The following PPP1R12A variants were observed in gnomAD, a reference collection of about 807,000 sequenced individuals.
The protein encoded by PPP1R12A is myosin binding subunit.
PPP1R12A carries 19 observed loss-of-function variants against 139.6 expected under a neutral mutation model. The ratio of observed to expected loss-of-function variants is 0.14; its 90% confidence interval spans 0.09 to 0.20. The LOEUF (loss-of-function observed/expected upper bound fraction) is 0.20, where lower values mean the gene tolerates loss of function less well. PPP1R12A is among the 10% of genes least tolerant of loss of function. The pLI is 1.00. For synonymous variants in PPP1R12A, 427 were observed against 420.6 expected (o/e 1.02, Z -0.19); for missense variants, 925 against 1,211.5 (o/e 0.76, Z 3.51).
At chr12:79,893,221 C>T (rs1340575294) in intron 1 of PPP1R12A, among the ~76,000 whole-genome samples, 1 of 152,094 alleles carries the variant, frequency 6.6e-6, no homozygotes, top group African/African-American at 2.4e-5. Flanking sequence ...CAGATTTCTC[C>T]TCAATTTAGT....
intron 4 of PPP1R12A, 44 bp from the exon 5 acceptor site, chr12:79,828,508 A>C (rs1877054185): frequency 1.4e-6 from 2 of 1,402,366 alleles, no homozygotes; most frequent in Non-Finnish European, 1.9e-6. Context: ...AAATCTAGAA[A>C]TAAATGATCA....
chr12:79,846,097 T>C (rs1026391720), intron 2 of PPP1R12A, among the ~76,000 whole-genome samples: 1 of 152,160 alleles, frequency 6.6e-6, no homozygotes, highest in African/African-American at 2.4e-5. Context: ...CATTAAATTA[T>C]TGCTTATCAT....
intron 2 of PPP1R12A, among the ~76,000 whole-genome samples, chr12:79,870,346 G>A (rs1241733173): frequency 2.0e-5 from 3 of 152,030 alleles, no homozygotes; most frequent in African/African-American, 7.2e-5. Flanking sequence ...GAACTCCTGA[G>A]CTCAAGCAAG....
chr12:79,796,743 T>A (rs751292136), intron 17 of PPP1R12A, 39 bp downstream of exon 17: 12 of 1,498,668 alleles, frequency 8.0e-6, no homozygotes, highest in Admixed American at 1.9e-5. Context: ...AAGGATTATA[T>A]GAAGAAAGCA....
intron 4 of PPP1R12A, among the ~76,000 whole-genome samples, chr12:79,828,872 T>C (rs1007538158): frequency 6.6e-6 from 1 of 152,124 alleles, no homozygotes; most frequent in African/African-American, 2.4e-5. Flanking sequence ...GGTTTCCATA[T>C]AATATATAAT....
intron 1 of PPP1R12A, among the ~76,000 whole-genome samples, chr12:79,921,312 A>G (rs1025410217): frequency 1.3e-5 from 2 of 152,182 alleles, no homozygotes; most frequent in African/African-American, 4.8e-5. Context: ...AGATCATATA[A>G]AAAGAAAGTT....
intron 2 of PPP1R12A, among the ~76,000 whole-genome samples, chr12:79,862,501 C>T (rs958481512): frequency 6.6e-6 from 1 of 152,084 alleles, no homozygotes; most frequent in Non-Finnish European, 1.5e-5. Context: ...TTCAGAAGGT[C>T]GGTAATAACA....
At chr12:79,911,510 G>A (rs1886560831) in intron 1 of PPP1R12A, among the ~76,000 whole-genome samples, 1 of 151,902 alleles carries the variant, frequency 6.6e-6, no homozygotes, top group Admixed American at 6.6e-5. Flanking sequence ...TTATTACCTG[G>A]GTGACAAAAT....
intron 1 of PPP1R12A, among the ~76,000 whole-genome samples, chr12:79,900,490 T>C (rs1885536318): frequency 6.6e-6 from 1 of 152,192 alleles, no homozygotes; most frequent in African/African-American, 2.4e-5. Context: ...TTTCCGTAAA[T>C]GTGCCTTTGA....
chr12:79,785,646 A>G (rs1389766424), intron 22 of PPP1R12A, among the ~76,000 whole-genome samples: 1 of 152,234 alleles, frequency 6.6e-6, no homozygotes, highest in Non-Finnish European at 1.5e-5. Context: ...CTTAAAAATT[A>G]CAGGATGCCT....
chr12:79,898,092 G>C (rs560825644), intron 1 of PPP1R12A, among the ~76,000 whole-genome samples: 2 of 152,224 alleles, frequency 1.3e-5, no homozygotes, highest in Admixed American at 1.3e-4. Flanking sequence ...TCAAATCTCT[G>C]ACATTTGCCT....
chr12:79,927,538 G>C (rs1207086493), intron 1 of PPP1R12A, among the ~76,000 whole-genome samples: 1 of 152,152 alleles, frequency 6.6e-6, no homozygotes, highest in East Asian at 1.9e-4. Flanking sequence ...CTAATTTACA[G>C]AGAAACCTCC....
chr12:79,785,657 T>TA (rs919532514), intron 22 of PPP1R12A, among the ~76,000 whole-genome samples: 33 of 152,324 alleles, frequency 2.2e-4, no homozygotes, highest in African/African-American at 7.5e-4. Flanking sequence ...CAGGATGCCT[T>TA]AGAGCCTTTA....
chr12:79,794,228 G>T (rs779203082), intron 18 of PPP1R12A, among the ~76,000 whole-genome samples: 1 of 151,668 alleles, frequency 6.6e-6, no homozygotes, highest in Non-Finnish European at 1.5e-5. Flanking sequence ...ACTATTTTCC[G>T]ATTTCCCCAT....
At chr12:79,854,984 A>G (rs566165336) in intron 2 of PPP1R12A, among the ~76,000 whole-genome samples, 103 of 151,312 alleles carry the variant, frequency 6.8e-4, no homozygotes, top group Non-Finnish European at 1.1e-3. Context: ...AGTAACAATT[A>G]TTATTATTAT....
At chr12:79,808,965 A>G (rs1209564051) in intron 10 of PPP1R12A, among the ~76,000 whole-genome samples, 1 of 152,190 alleles carries the variant, frequency 6.6e-6, no homozygotes, top group Admixed American at 6.5e-5. Context: ...TATATAAGCT[A>G]TTTAGAACCT....
chr12:79,830,441 A>G (rs1319408027), intron 4 of PPP1R12A, among the ~76,000 whole-genome samples: 7 of 152,166 alleles, frequency 4.6e-5, no homozygotes, highest in African/African-American at 1.7e-4. Flanking sequence ...TTCCTATTAT[A>G]AACAATGCTG....
intron 2 of PPP1R12A, among the ~76,000 whole-genome samples, chr12:79,870,262 C>T (rs747744335): frequency 4.6e-5 from 7 of 152,008 alleles, no homozygotes; most frequent in Non-Finnish European, 1.0e-4. Context: ...AGCTGGGACA[C>T]ATCATTGTAA....
chr12:79,913,141 A>G (rs7305174), intron 1 of PPP1R12A, among the ~76,000 whole-genome samples: 16,889 of 152,248 alleles, frequency 0.11, 1,769 homozygotes, highest in African/African-American at 0.27. Flanking sequence ...TACCAATAGA[A>G]TATTTTCTTT....
Sources: allele counts gnomAD v4.1 joint callset (sites outside exome capture counted in the v4.1 genomes callset), GRCh38; gene constraint gnomAD v4.1.1; transcripts MANE v1.5; gene names NCBI Gene and HGNC (gene_info 2026-07-23, HGNC 2026-07-21).